The following RAPGEF1 variants were observed in gnomAD, a reference collection of about 807,000 sequenced individuals.
The protein encoded by RAPGEF1 is CRK SH3-binding GNRP.
A neutral mutation model predicts 143.3 loss-of-function variants in RAPGEF1; 33 were observed. The ratio of observed to expected loss-of-function variants is 0.23; its 90% CI spans 0.17 to 0.31. The LOEUF (loss-of-function observed/expected upper bound fraction) is 0.31. Ranked by LOEUF, RAPGEF1 falls within the 10% of genes least tolerant of loss-of-function variation. The pLI, the probability that RAPGEF1 is intolerant of heterozygous loss-of-function variation, is 1.00. For synonymous variants in RAPGEF1, 629 were observed against 676.5 expected (o/e 0.93, Z 1.09); for missense variants, 1,199 against 1,645.4 (o/e 0.73, Z 4.69).
intron 1 of RAPGEF1, among the ~76,000 whole-genome samples, chr9:131,659,583 G>C (rs1350988817): frequency 6.6e-6 from 1 of 152,064 alleles, no homozygotes; most frequent in Admixed American, 6.5e-5. Context: ...CCGAGCCTCC[G>C]GTTCCTCACC....
At chr9:131,726,206 A>G (rs1374468353) in intron 1 of RAPGEF1, among the ~76,000 whole-genome samples, 1 of 152,230 alleles carries the variant, frequency 6.6e-6, no homozygotes, top group Non-Finnish European at 1.5e-5. Context: ...AAAGGAATGA[A>G]CCAGTGATAA....
At chr9:131,654,299 A>C (rs1971873849) in intron 1 of RAPGEF1, among the ~76,000 whole-genome samples, 1 of 152,254 alleles carries the variant, frequency 6.6e-6, no homozygotes, top group Non-Finnish European at 1.5e-5. Flanking sequence ...TATATCAATA[A>C]AGCTATTTTT....
In RAPGEF1 at chr9:131,621,547, G is replaced by C. The variant is rs1961027613; in HGVS notation, c.1905+249C>G. On this transcript the variant is annotated intron_variant, in intron 11 of 26. Transcript: ENST00000683357. This position sits in a 1 kb window ranked among gnomAD's most constrained non-coding sequence, Gnocchi z 4.5. ...AGTACAAGCCTGTCCCTGCTGCGCG[G>C]GGCTGCTGTGGAAAAGAAAGGTCCC... 6.6e-6 allele frequency among the ~76,000 whole-genome samples: 1 copy of C among 152,216 alleles called. No homozygotes were observed. The highest frequency in any genetic ancestry group is 2.1e-4 in the South Asian group (1 of 4,830).
intron 9 of RAPGEF1, 29 bp downstream of exon 9, chr9:131,627,884 G>A (rs756847621): frequency 6.4e-7 from 1 of 1,563,492 alleles, no homozygotes; most frequent in Non-Finnish European, 8.7e-7. Flanking sequence ...ACCGAGACAC[G>A]ATGGAACAGG....
At chr9:131,658,611 C>T (rs1160398495) in intron 1 of RAPGEF1, among the ~76,000 whole-genome samples, 1 of 152,168 alleles carries the variant, frequency 6.6e-6, no homozygotes, top group Non-Finnish European at 1.5e-5. Flanking sequence ...GGGCAACCAT[C>T]GCAGGCTACA....
rs920700746 is a variant in RAPGEF1, at chr9:131,578,782, G to A, written c.*715C>T. 1.3e-5 allele frequency: 2 copies of A among 152,430 alleles called. No individual in the cohort carries two copies. Among genetic ancestry groups the A allele is most frequent in the African/African-American group, 4.8e-5 (2 of 41,460 alleles). The allele number at this position is 152,430 out of a possible 1,614,324, so 9.4% of individuals were successfully genotyped here. ...TGGGAGGGGCCCAGTGGCCTGGGGT[G>A]GGGGGTAAGGGGCGACGGGATGACA... On this transcript the variant is annotated 3_prime_UTR_variant, in exon 27 of 27. Coordinates refer to ENST00000683357, the MANE Select transcript of RAPGEF1 (RefSeq NM_001377935.1).
chr9:131,649,654 T>TA (rs746950245), intron 3 of RAPGEF1, among the ~76,000 whole-genome samples: 7 of 152,198 alleles, frequency 4.6e-5, no homozygotes, highest in Non-Finnish European at 8.8e-5. Context: ...AAAGGCTCCA[T>TA]AAATGTTAGG....
At chr9:131,647,398 T>C (rs1161739508) in intron 3 of RAPGEF1, among the ~76,000 whole-genome samples, 1 of 152,236 alleles carries the variant, frequency 6.6e-6, no homozygotes, top group Admixed American at 6.5e-5. Flanking sequence ...AGGACAGGGC[T>C]GGGGCGAGAA....
chr9:131,606,208 C>T (rs1253208111), intron 12 of RAPGEF1, among the ~76,000 whole-genome samples: 1 of 152,204 alleles, frequency 6.6e-6, no homozygotes, highest in Admixed American at 6.5e-5. Context: ...CTTCTGGGGT[C>T]CAGTGAGCAC....
At chr9:131,684,972 G>A (rs2130957413) in intron 1 of RAPGEF1, among the ~76,000 whole-genome samples, 1 of 152,298 alleles carries the variant, frequency 6.6e-6, no homozygotes, top group Non-Finnish European at 1.5e-5. Context: ...TGTCACAGAT[G>A]GTGGAAGAAA....
At position 131,602,162 on chromosome 9, in the gene RAPGEF1, G is replaced by C; in HGVS notation, c.2413-13C>G. The C allele has an allele frequency of 1.3e-6, 2 of 1,568,362 alleles. No individual in the cohort carries two copies. The highest frequency in any genetic ancestry group is 2.3e-5 in the South Asian group (2 of 85,548). On this transcript the variant is annotated splice_polypyrimidine_tract_variant and intron_variant, in intron 14 of 26. Coordinates refer to ENST00000683357, the MANE Select transcript of RAPGEF1 (RefSeq NM_001377935.1). ...CAGCCGGTGGCTCCTGGAAAGAGGA[G>C]TGGGTGCTGAGTTCTGGACAGGGGC...
chr9:131,725,360 A>C (rs936205157), intron 1 of RAPGEF1: 1 of 152,178 alleles, frequency 6.6e-6, no homozygotes, highest in Non-Finnish European at 1.5e-5. Context: ...CCAGGTAGGC[A>C]TGGTGCACTA....
Position 131,605,058 on chromosome 9 carries a change from T to C in RAPGEF1, c.2192A>G (p.Asp731Gly). The change falls in exon 13 of 27, where the codon GAC becomes GGC. Residue 731 changes from aspartate (D) to glycine (G), a missense_variant. This residue lies in a region of RAPGEF1 where 293 missense variants were observed against 356.2 expected (regional missense o/e 0.82). Coordinates refer to ENST00000683357, the MANE Select transcript of RAPGEF1 (RefSeq NM_001377935.1). ...FPPAHQSQSS[D>G]LAVPTMAGPP... Reference sequence around the variant, plus strand: ...ACCGGCCATGGTTGGCACGGCTAAGTCAGAGCTCTGAGACTGGTGGGCAGG... The same window carrying C: ...ACCGGCCATGGTTGGCACGGCTAAGCCAGAGCTCTGAGACTGGTGGGCAGG... 1 of 1,364,886 alleles carries C rather than the reference T, an allele frequency of 7.3e-7. No homozygotes were observed. The highest frequency in any genetic ancestry group is 9.8e-7 in the Non-Finnish European group (1 of 1,021,338). 84.5% of individuals were successfully genotyped at this position (1,364,886 alleles called of 1,614,324 possible).
chr9:131,723,417 G>A (rs769149681), intron 1 of RAPGEF1, among the ~76,000 whole-genome samples: 13 of 152,194 alleles, frequency 8.5e-5, no homozygotes, highest in Non-Finnish European at 1.8e-4. Flanking sequence ...TTGCAAAACT[G>A]AAATAGTCCC....
intron 3 of RAPGEF1, among the ~76,000 whole-genome samples, chr9:131,648,088 T>C (rs1045128971): frequency 2.0e-5 from 3 of 151,968 alleles, no homozygotes; most frequent in East Asian, 1.9e-4. Context: ...CTTGGAAAAA[T>C]GAATAAAGGG....
At chr9:131,689,653 C>T (rs1833631529) in intron 1 of RAPGEF1, among the ~76,000 whole-genome samples, 1 of 152,088 alleles carries the variant, frequency 6.6e-6, no homozygotes, top group South Asian at 2.1e-4. Flanking sequence ...CTTCTCTTGC[C>T]TCAGCCTCCC....
At chr9:131,739,653 C>T in intron 1 of RAPGEF1, 117 bp downstream of exon 1, 2 of 811,248 alleles carry the variant, frequency 2.5e-6, no homozygotes, top group Non-Finnish European at 3.0e-6. Flanking sequence ...GGTGGCTTCA[C>T]CCCGCCCCGG....
At chr9:131,714,426 G>A (rs1835718107) in intron 1 of RAPGEF1, among the ~76,000 whole-genome samples, 2 of 151,976 alleles carry the variant, frequency 1.3e-5, no homozygotes, top group Admixed American at 6.6e-5. Context: ...AGAAACAGAG[G>A]CTGGGCTCTC....
chr9:131,714,963 A>G (rs763823232), intron 1 of RAPGEF1, among the ~76,000 whole-genome samples: 8 of 152,120 alleles, frequency 5.3e-5, no homozygotes, highest in African/African-American at 1.2e-4. Flanking sequence ...CTCGAGCCTC[A>G]GCCTCCCAAA....
Sources: gnomAD v4.1 joint callset for allele counts (sites outside exome capture counted in the v4.1 genomes callset) on GRCh38, gnomAD v4.1.1 for gene constraint, gnomAD v4.1.1 regional missense constraint, Gnocchi (gnomAD v3.1) non-coding constraint, MANE v1.5 for transcripts, NCBI Gene and HGNC (gene_info 2026-07-23, HGNC 2026-07-21) for gene names.